Variants in SATB2 observed in about 807,000 individuals in gnomAD.
The protein encoded by SATB2 is DNA-binding protein SATB2.
SATB2 carries 1 observed loss-of-function variant against 73.4 expected under a neutral mutation model. That is an observed-to-expected ratio of 0.01 (90% CI 0.00 to 0.06). The LOEUF (loss-of-function observed/expected upper bound fraction) is 0.06, where lower values mean the gene tolerates loss of function less well. Ranked by LOEUF, SATB2 falls within the 10% of genes least tolerant of loss-of-function variation. The pLI, the probability that SATB2 is intolerant of heterozygous loss-of-function variation, is 1.00. For missense variants in SATB2, 459 were observed against 945.8 expected, an observed-to-expected ratio of 0.49 and a Z score of 6.75; for synonymous variants, 397 against 367.0, an observed-to-expected ratio of 1.08 and a Z score of -0.93.
chr2:199,374,950 G>A (rs1689555551), intron 5 of SATB2, among the ~76,000 whole-genome samples: 1 of 151,078 alleles, frequency 6.6e-6, no homozygotes, highest in Non-Finnish European at 1.5e-5. Context: ...GGCAACCCAG[G>A]GAGACTCCGT....
chr2:199,311,254 C>T (rs943232871), intron 9 of SATB2, among the ~76,000 whole-genome samples: 1 of 152,054 alleles, frequency 6.6e-6, no homozygotes, highest in Admixed American at 6.6e-5. Context: ...TTAAGGGAAC[C>T]CGGTTTTGAA....
At chr2:199,438,563 T>C (rs913322738) in intron 2 of SATB2, among the ~76,000 whole-genome samples, 1 of 152,208 alleles carries the variant, frequency 6.6e-6, no homozygotes, top group Non-Finnish European at 1.5e-5. Flanking sequence ...TTTTAAAGAA[T>C]AGACTTCAGG....
chr2:199,344,668 C>A (rs990005519), intron 7 of SATB2, among the ~76,000 whole-genome samples: 6 of 152,192 alleles, frequency 3.9e-5, no homozygotes, highest in African/African-American at 1.4e-4. Context: ...AGTTCCAGCA[C>A]CGCTGAAGAC....
intron 3 of SATB2, among the ~76,000 whole-genome samples, chr2:199,386,407 G>A (rs574130348): frequency 6.6e-6 from 1 of 152,282 alleles, no homozygotes; most frequent in South Asian, 2.1e-4. Context: ...AATAATTCAG[G>A]TAGGTATGTC....
intron 10 of SATB2, among the ~76,000 whole-genome samples, chr2:199,295,535 T>G (rs1279213866): frequency 6.6e-6 from 1 of 152,124 alleles, no homozygotes; most frequent in African/African-American, 2.4e-5. Flanking sequence ...ATTCTAAAAA[T>G]TTAACAATTG....
intron 10 of SATB2, among the ~76,000 whole-genome samples, chr2:199,301,532 T>C (rs2105758223): frequency 6.6e-6 from 1 of 152,298 alleles, no homozygotes; most frequent in African/African-American, 2.4e-5. Context: ...CAAAATGCAA[T>C]GCCTTCCAAA....
chr2:199,295,561 A>G (rs1241991374), intron 10 of SATB2, among the ~76,000 whole-genome samples: 1 of 152,186 alleles, frequency 6.6e-6, no homozygotes, highest in African/African-American at 2.4e-5. Flanking sequence ...TGCAAGCCAG[A>G]GTAGGCTTTC....
intron 10 of SATB2, among the ~76,000 whole-genome samples, chr2:199,275,236 T>A (rs909006531): frequency 6.6e-6 from 1 of 152,222 alleles, no homozygotes; most frequent in Non-Finnish European, 1.5e-5. Context: ...TTGAAGTTAC[T>A]ATAATCTTTC....
chr2:199,285,518 G>A (rs1332961712), intron 10 of SATB2, among the ~76,000 whole-genome samples: 1 of 151,894 alleles, frequency 6.6e-6, no homozygotes, highest in African/African-American at 2.4e-5. Context: ...AAAAACCATG[G>A]TTTAGCTTTG....
chr2:199,466,151 G>A (rs1258432179), upstream of SATB2, among the ~76,000 whole-genome samples: 4 of 152,138 alleles, frequency 2.6e-5, no homozygotes, highest in South Asian at 2.1e-4. Flanking sequence ...AGACAGACCC[G>A]GCCCTTTGCA....
chr2:199,467,955 A>G (rs1036443800), upstream of SATB2: 2 of 152,248 alleles, frequency 1.3e-5, no homozygotes, highest in African/African-American at 2.4e-5. Context: ...GGTATCACCC[A>G]TAATTGATCC....
At chr2:199,431,379 TAATTTA>T (rs1691496279) in intron 3 of SATB2, among the ~76,000 whole-genome samples, 1 of 152,212 alleles carries the variant, frequency 6.6e-6, no homozygotes, top group African/African-American at 2.4e-5. Context: ...ATCAGCAGCC[TAATTTA>T]AAACAAACTG....
chr2:199,364,244 C>T (rs1260415266), intron 6 of SATB2, among the ~76,000 whole-genome samples: 1 of 152,096 alleles, frequency 6.6e-6, no homozygotes, highest in Non-Finnish European at 1.5e-5. Flanking sequence ...TAATCACAAC[C>T]CACTTAACCA....
At chr2:199,411,912 C>CA (rs1240191522) in intron 3 of SATB2, among the ~76,000 whole-genome samples, 1 of 152,162 alleles carries the variant, frequency 6.6e-6, no homozygotes, top group Non-Finnish European at 1.5e-5. Context: ...CTGATAACCT[C>CA]AATTGTAATT....
At chr2:199,458,484 G>GT (rs1692365969), upstream of SATB2, 2 of 390,976 alleles carry the variant, frequency 5.1e-6, no homozygotes, top group South Asian at 3.5e-5. Flanking sequence ...CGGCCAGCGG[G>GT]TGGGTGCGTC....
chr2:199,381,902 CA>C (rs1689790734), intron 3 of SATB2, 82 bp from the exon 4 acceptor site: 1 of 1,485,132 alleles, frequency 6.7e-7, no homozygotes, highest in African/African-American at 1.4e-5. Flanking sequence ...TTAAGAAGGT[CA>C]TTCAATCATC....
intron 10 of SATB2, among the ~76,000 whole-genome samples, chr2:199,300,293 C>G (rs2105756242): frequency 6.6e-6 from 1 of 151,390 alleles, no homozygotes; most frequent in East Asian, 1.9e-4. Context: ...CTAACAAATT[C>G]CAAAGCAATA....
chr2:199,381,404 T>C (rs963505311), intron 4 of SATB2, among the ~76,000 whole-genome samples: 4 of 152,178 alleles, frequency 2.6e-5, no homozygotes, highest in Non-Finnish European at 5.9e-5. Context: ...TAAGGGGCTG[T>C]GTAAAGCTAC....
chr2:199,320,005 A>G (rs1687841798), intron 9 of SATB2, among the ~76,000 whole-genome samples: 1 of 152,094 alleles, frequency 6.6e-6, no homozygotes, highest in Non-Finnish European at 1.5e-5. Flanking sequence ...AGATTTCTAC[A>G]ACCCAGATCA....
Sources: gnomAD v4.1 joint callset for allele counts (sites outside exome capture counted in the v4.1 genomes callset) on GRCh38, gnomAD v4.1.1 for gene constraint, MANE v1.5 for transcripts, NCBI Gene and HGNC (gene_info 2026-07-23, HGNC 2026-07-21) for gene names.